Variants in CACNA2D2 observed in about 807,000 individuals in gnomAD.
The protein encoded by CACNA2D2 is voltage-dependent calcium channel subunit alpha-2/delta-2.
Under a neutral mutation model 166.4 loss-of-function variants are expected in CACNA2D2, and 48 were observed. The observed-to-expected ratio is 0.29, with a 90% CI of 0.23 to 0.37. The LOEUF is 0.37. Among genes scored for constraint, CACNA2D2 ranks in the 10% least tolerant of loss-of-function variants. The pLI is 1.00. For synonymous variants in CACNA2D2, 561 were observed against 573.7 expected, an observed-to-expected ratio of 0.98 and a Z score of 0.32; for missense variants, 1,122 against 1,433.0, an observed-to-expected ratio of 0.78 and a Z score of 3.50.
chr3:50,476,261 C>T (rs1270938275), intron 1 of CACNA2D2, 62 bp from the exon 2 acceptor site: 15 of 1,374,652 alleles, frequency 1.1e-5, no homozygotes, highest in Non-Finnish European at 1.5e-5. Context: ...CAGCCCCACC[C>T]CAGCCAACCC....
intron 2 of CACNA2D2, among the ~76,000 whole-genome samples, chr3:50,469,717 C>T (rs530162653): frequency 2.0e-5 from 3 of 152,330 alleles, no homozygotes; most frequent in Admixed American, 6.5e-5. Context: ...TCCCACAGTG[C>T]CTGCCCTTCC....
intron 1 of CACNA2D2, among the ~76,000 whole-genome samples, chr3:50,495,077 T>G (rs1553757413): frequency 6.6e-6 from 1 of 152,234 alleles, no homozygotes; most frequent in Non-Finnish European, 1.5e-5. Flanking sequence ...GGATGAGGGC[T>G]GGGCCCTGCC....
At chr3:50,476,257 C>T in intron 1 of CACNA2D2, 58 bp from the exon 2 acceptor site, 1 of 1,405,958 alleles carries the variant, frequency 7.1e-7, no homozygotes, top group Non-Finnish European at 9.8e-7. Flanking sequence ...TGCACAGCCC[C>T]ACCCCAGCCA....
At position 50,473,072 on chromosome 3, in the gene CACNA2D2, G is replaced by A. The variant is rs79379501; in HGVS notation, c.288+3046C>T. ...TGCGACTCAGGGTGTCTGGACAAGC[G>A]TGGGGGTGGGGACAATACGTAAGCA... On this transcript the variant is annotated intron_variant, in intron 2 of 37. Transcript: ENST00000424201. Among the ~76,000 whole-genome samples the A allele has an allele frequency of 5.0e-3, 758 of 152,324 alleles. 6 individuals carry two copies. The highest frequency in any genetic ancestry group is 0.013 in the African/African-American group (527 of 41,574).
At chr3:50,452,903 T>C (rs924929616) in intron 2 of CACNA2D2, among the ~76,000 whole-genome samples, 1 of 152,196 alleles carries the variant, frequency 6.6e-6, no homozygotes, top group African/African-American at 2.4e-5. Context: ...CTCAAGAACC[T>C]TGACCCCCAC....
chr3:50,457,107 G>A (rs1284103240), intron 2 of CACNA2D2, among the ~76,000 whole-genome samples: 1 of 152,124 alleles, frequency 6.6e-6, no homozygotes, highest in Non-Finnish European at 1.5e-5. Flanking sequence ...AAAACTAGCT[G>A]GGCATGGTGG....
At chr3:50,393,906 T>TGAATGC (rs1190920904) in intron 4 of CACNA2D2, among the ~76,000 whole-genome samples, 1 of 151,386 alleles carries the variant, frequency 6.6e-6, no homozygotes, top group Non-Finnish European at 1.5e-5. Context: ...TCCTCTGGAG[T>TGAATGC]GAATGTGGGC....
At chr3:50,446,909 T>G (rs1485563084) in intron 2 of CACNA2D2, among the ~76,000 whole-genome samples, 1 of 152,144 alleles carries the variant, frequency 6.6e-6, no homozygotes, top group Non-Finnish European at 1.5e-5. Flanking sequence ...AGGTTGGAAG[T>G]CTAGGACCCT....
chr3:50,408,782 C>G (rs1462009232), intron 3 of CACNA2D2, among the ~76,000 whole-genome samples: 1 of 152,220 alleles, frequency 6.6e-6, no homozygotes, highest in African/African-American at 2.4e-5. Flanking sequence ...TGCACAGCCA[C>G]TCCACGACAG....
intron 22 of CACNA2D2, among the ~76,000 whole-genome samples, chr3:50,372,627 T>G (rs1327928320): frequency 6.6e-6 from 1 of 152,176 alleles, no homozygotes; most frequent in Admixed American, 6.5e-5. Context: ...CCTTGTGGGC[T>G]GGCCCCTTCC....
intron 3 of CACNA2D2, among the ~76,000 whole-genome samples, chr3:50,401,655 C>A (rs559163693): frequency 1.2e-4 from 19 of 152,260 alleles, no homozygotes; most frequent in South Asian, 4.1e-4. Flanking sequence ...AAAAAAACTC[C>A]CACTCTCTCT....
intron 3 of CACNA2D2, among the ~76,000 whole-genome samples, chr3:50,395,217 C>T (rs887823260): frequency 2.6e-5 from 4 of 152,228 alleles, no homozygotes; most frequent in Admixed American, 1.3e-4. Context: ...GACTCATGTG[C>T]TGTGCACCTT....
intron 2 of CACNA2D2, among the ~76,000 whole-genome samples, chr3:50,470,155 G>A (rs1710003111): frequency 1.3e-5 from 2 of 152,200 alleles, no homozygotes; most frequent in Admixed American, 1.3e-4. Flanking sequence ...GGAGCCAGGG[G>A]CCCATGTGCA....
At position 50,380,147 on chromosome 3, in the gene CACNA2D2, G is replaced by A; in HGVS notation, c.843-129C>T. 1.2e-6 allele frequency: 1 copy of A among 861,182 alleles called. No individual in the cohort carries two copies. Among genetic ancestry groups the A allele is most frequent in the Non-Finnish European group, 1.9e-6 (1 of 526,694 alleles). 53.3% of individuals were successfully genotyped at this position (861,182 alleles called of 1,614,324 possible). A position where few individuals can be genotyped will look rare whatever the true frequency, so the allele number is the denominator to read the frequency against. On this transcript the variant is annotated intron_variant, in intron 8 of 37. Coordinates refer to ENST00000424201, the MANE Select transcript of CACNA2D2 (RefSeq NM_006030.4). This position sits in a 1 kb window ranked among gnomAD's most constrained non-coding sequence, Gnocchi z 4.9. ...CTGTGTGGGCCAGGCAGGGTTCTAT[G>A]CACCGATGATACCACATTTAACGAA...
rs755643585 is a variant in CACNA2D2 at position 50,379,703 on chromosome 3, C to T, written c.993+22G>A. On this transcript the variant is annotated intron_variant, in intron 10 of 37. Transcript: ENST00000424201. This position sits in a 1 kb window ranked among gnomAD's most constrained non-coding sequence, Gnocchi z 6.5. ...GCAGATGGGGTGACCCATTTCACCC[C>T]GTCTGCCACCTTGGCACTCACCGAG... 35 of 1,613,154 alleles carry T rather than the reference C, an allele frequency of 2.2e-5. No homozygotes were observed. The highest frequency in any genetic ancestry group is 1.0e-4 in the Admixed American group (6 of 59,988).
rs143758667 is a variant in CACNA2D2, at chr3:50,463,456, G to A, written c.288+12662C>T. Among the ~76,000 whole-genome samples the A allele has an allele frequency of 8.3e-4, 127 of 152,230 alleles. 1 individual carries two copies. Among genetic ancestry groups the A allele is most frequent in the African/African-American group, 2.9e-3 (121 of 41,520 alleles). On this transcript the variant is annotated intron_variant, in intron 2 of 37. Coordinates refer to ENST00000424201, the MANE Select transcript of CACNA2D2 (RefSeq NM_006030.4). ...TGGGACCACAGGTGCACGCCACCAC[G>A]CCCAGCTGATTTTTGTATGTTTTGT... is the stretch of plus-strand genomic sequence containing the variant.
chr3:50,372,850 ACACCCTGCAGGCAGGGC>A (rs1174619724), intron 22 of CACNA2D2, among the ~76,000 whole-genome samples: 1 of 151,942 alleles, frequency 6.6e-6, no homozygotes, highest in Non-Finnish European at 1.5e-5. Context: ...ACGCCGGAGA[ACACCCTGCAGGCAGGGC>A]CAGGGGCACA....
Position 50,367,660 on chromosome 3 carries a change from G to A in CACNA2D2, c.2279C>T (p.Thr760Ile), listed in dbSNP as rs769835834. ...AVFAATDGGI[T>I]RVFPNKAAED... ...CACTTACTTGTTGGGGAAGACTCGG[G>A]TGATGCCACCGTCTGTGGCAGCGAA... Residue 760 changes from threonine to isoleucine, a missense_variant, in exon 26 of 38, where the codon ACC (threonine) becomes ATC (isoleucine). By Grantham distance (89) the Thr-to-Ile change is moderately conservative. Transcript: ENST00000424201. The surrounding 1 kb of genome is among the most constrained non-coding windows in gnomAD (Gnocchi z 6.5). The A allele has an allele frequency of 6.2e-7, 1 of 1,612,050 alleles. No homozygotes were observed.
intron 2 of CACNA2D2, among the ~76,000 whole-genome samples, chr3:50,442,511 C>A (rs1708645542): frequency 6.6e-6 from 1 of 152,176 alleles, no homozygotes; most frequent in South Asian, 2.1e-4. Context: ...CACGGAGACA[C>A]CTTCACAGAC....
Sources: gnomAD v4.1 joint callset for allele counts (sites outside exome capture counted in the v4.1 genomes callset) on GRCh38, gnomAD v4.1.1 for gene constraint, Gnocchi (gnomAD v3.1) non-coding constraint, MANE v1.5 for transcripts, NCBI Gene and HGNC (gene_info 2026-07-23, HGNC 2026-07-21) for gene names.